The following UGGT2 variants were observed in gnomAD, a reference collection of about 807,000 sequenced individuals.
The protein encoded by UGGT2 is UDP-glucose glycoprotein glucosyltransferase 2.
In UGGT2, 180 loss-of-function variants were observed where a neutral mutation model predicts 192.1. That is an observed-to-expected ratio of 0.94 (90% CI 0.83 to 1.06). UGGT2 has a LOEUF of 1.06. Among genes scored for constraint, UGGT2 ranks in the 50% least tolerant of loss-of-function variants. The pLI, the probability that UGGT2 is intolerant of heterozygous loss-of-function variation, is 0.00. For synonymous variants in UGGT2, 580 were observed against 591.0 expected, an observed-to-expected ratio of 0.98 and a Z score of 0.27; for missense variants, 1,849 against 1,795.7, an observed-to-expected ratio of 1.03 and a Z score of -0.54.
chr13:95,825,040 C>T (rs895439617), intron 38 of UGGT2, among the ~76,000 whole-genome samples: 6 of 151,738 alleles, frequency 4.0e-5, no homozygotes, highest in African/African-American at 1.2e-4. Context: ...CTATGAATTC[C>T]TTGGTTGTGG....
chr13:96,012,748 G>A (rs1349836199), intron 5 of UGGT2, among the ~76,000 whole-genome samples: 5 of 150,876 alleles, frequency 3.3e-5, no homozygotes, highest in Non-Finnish European at 7.4e-5. Flanking sequence ...ACGCATGTGT[G>A]TGTGTGTGTG....
intron 2 of UGGT2, among the ~76,000 whole-genome samples, chr13:96,029,874 A>G (rs938867324): frequency 6.6e-6 from 1 of 152,246 alleles, no homozygotes; most frequent in African/African-American, 2.4e-5. Context: ...AGAACAACAT[A>G]TATGGGACAG....
At chr13:95,930,358 C>T (rs187740935) in intron 17 of UGGT2, among the ~76,000 whole-genome samples, 27 of 152,210 alleles carry the variant, frequency 1.8e-4, no homozygotes, top group Non-Finnish European at 3.1e-4. Context: ...ATGTCCAGAA[C>T]GGTGTTTCCT....
intron 34 of UGGT2, among the ~76,000 whole-genome samples, 176 bp downstream of exon 34, chr13:95,855,982 T>A (rs1434751647): frequency 6.6e-6 from 1 of 152,198 alleles, no homozygotes; most frequent in Non-Finnish European, 1.5e-5. Context: ...TACCTTCAAT[T>A]TTCCCCTGGA....
At chr13:96,052,041 C>G (rs978215795) in intron 1 of UGGT2, among the ~76,000 whole-genome samples, 4 of 152,122 alleles carry the variant, frequency 2.6e-5, no homozygotes, top group African/African-American at 9.7e-5. Context: ...TATAGCAGCA[C>G]AATTCACAAG....
chr13:95,864,291 G>T (rs1204580286), intron 30 of UGGT2, among the ~76,000 whole-genome samples: 1 of 152,154 alleles, frequency 6.6e-6, no homozygotes, highest in South Asian at 2.1e-4. Context: ...TTTAGCATTT[G>T]TAAATATTGA....
At chr13:95,982,946 T>A (rs1003424565) in intron 10 of UGGT2, among the ~76,000 whole-genome samples, 12 of 152,180 alleles carry the variant, frequency 7.9e-5, no homozygotes, top group Non-Finnish European at 1.8e-4. Context: ...GTAGTTGTCA[T>A]CAAAACAGCT....
chr13:95,979,422 C>T (rs1173362872), intron 10 of UGGT2, among the ~76,000 whole-genome samples: 1 of 151,914 alleles, frequency 6.6e-6, no homozygotes, highest in Non-Finnish European at 1.5e-5. Flanking sequence ...GCACCCTTCA[C>T]CCGTTTCATC....
At chr13:95,933,558 A>G (rs2049359586) in intron 17 of UGGT2, among the ~76,000 whole-genome samples, 1 of 152,010 alleles carries the variant, frequency 6.6e-6, no homozygotes, top group Admixed American at 6.6e-5. Context: ...ATTTTGTACA[A>G]TTCTGCTCTG....
intron 12 of UGGT2, among the ~76,000 whole-genome samples, chr13:95,955,142 T>C (rs974353039): frequency 3.9e-5 from 6 of 152,206 alleles, no homozygotes; most frequent in Non-Finnish European, 8.8e-5. Flanking sequence ...ATAACCATGA[T>C]TGGTATTTGT....
chr13:95,998,227 T>C (rs2051688456), intron 6 of UGGT2, among the ~76,000 whole-genome samples: 1 of 152,138 alleles, frequency 6.6e-6, no homozygotes, highest in Non-Finnish European at 1.5e-5. Context: ...TGCATAATAA[T>C]ACAGATGATA....
At chr13:95,857,985 T>C (rs1184058676) in intron 33 of UGGT2, among the ~76,000 whole-genome samples, 1 of 145,094 alleles carries the variant, frequency 6.9e-6, no homozygotes, top group East Asian at 2.1e-4. Flanking sequence ...TCTATATTTA[T>C]AGGTTCTTTT....
At chr13:95,984,250 AC>A (rs1244223944) in intron 9 of UGGT2, among the ~76,000 whole-genome samples, 3 of 152,182 alleles carry the variant, frequency 2.0e-5, no homozygotes, top group Non-Finnish European at 2.9e-5. Flanking sequence ...TAACCTGGGA[AC>A]CTACCAGAGT....
chr13:95,962,193 A>C (rs894866748), intron 12 of UGGT2, among the ~76,000 whole-genome samples: 2 of 152,140 alleles, frequency 1.3e-5, no homozygotes, highest in Non-Finnish European at 2.9e-5. Flanking sequence ...GCAAGAACAA[A>C]CCCAAAATTA....
rs1016174068 is a variant in UGGT2 at position 96,036,787 on chromosome 13, T to C, written c.159-4816A>G. Among the ~76,000 whole-genome samples, 3 of 152,152 alleles carry C rather than the reference T, an allele frequency of 2.0e-5. 1 individual carries two copies. The highest frequency in any genetic ancestry group is 7.2e-5 in the African/African-American group (3 of 41,424). ...TTTTGTTTGTTTGTTTAAGACAGCA[T>C]CTCCCTTTGTCACACAGGCTGGAGT... On this transcript the variant is annotated intron_variant, in intron 1 of 38. Coordinates refer to ENST00000376747, the MANE Select transcript of UGGT2 (RefSeq NM_020121.4).
chr13:96,011,770 G>C (rs2052169196), intron 5 of UGGT2, among the ~76,000 whole-genome samples: 1 of 152,032 alleles, frequency 6.6e-6, no homozygotes, highest in African/African-American at 2.4e-5. Flanking sequence ...TGTGATTGTT[G>C]AAACCCAACA....
chr13:95,905,422 G>C (rs920639465), intron 20 of UGGT2, among the ~76,000 whole-genome samples: 1 of 151,910 alleles, frequency 6.6e-6, no homozygotes, highest in African/African-American at 2.4e-5. Context: ...GGGTTTTTAT[G>C]GTTTTAGGTC....
At chr13:95,820,332 G>A (rs938811933) in intron 38 of UGGT2, among the ~76,000 whole-genome samples, 2 of 151,958 alleles carry the variant, frequency 1.3e-5, no homozygotes, top group African/African-American at 4.8e-5. Flanking sequence ...AGCAGACAAA[G>A]CAGTCTACTC....
At chr13:95,825,026 G>A (rs1468174848) in intron 38 of UGGT2, among the ~76,000 whole-genome samples, 1 of 152,050 alleles carries the variant, frequency 6.6e-6, no homozygotes, top group East Asian at 1.9e-4. Context: ...TGGGAGTGAA[G>A]ACTCTATGAA....
Sources: allele counts gnomAD v4.1 joint callset (sites outside exome capture counted in the v4.1 genomes callset), GRCh38; gene constraint gnomAD v4.1.1; transcripts MANE v1.5; gene names NCBI Gene and HGNC (gene_info 2026-07-23, HGNC 2026-07-21).